TIMM23: variants seen among roughly 807,000 people sequenced by gnomAD.
TIMM23 encodes the protein translocase of inner mitochondrial membrane 23.
A neutral mutation model predicts 30.7 loss-of-function variants in TIMM23; 19 were observed. The observed-to-expected ratio is 0.62, with a 90% CI of 0.43 to 0.91. The LOEUF is 0.91. Ranked by LOEUF, TIMM23 falls within the 40% of genes least tolerant of loss-of-function variation. TIMM23 has a pLI of 0.00. For missense variants in TIMM23, 202 were observed against 269.2 expected (o/e 0.75, Z 1.75); for synonymous variants, 78 against 98.5 (o/e 0.79, Z 1.23).
At position 45,972,594 on chromosome 10, in the gene TIMM23, C is replaced by A; in HGVS notation, c.-31C>A. ...AGCGGACCACCCAGGCTTGAGGCAG[C>A]GGCGGGAACCACTCGGTTTGCTGCG... On this transcript the variant is annotated 5_prime_UTR_variant, in exon 1 of 7. Coordinates refer to ENST00000580018, the MANE Select transcript of TIMM23 (RefSeq NM_006327.4). 6.3e-7 allele frequency: 1 copy of A among 1,587,706 alleles called. No homozygotes were observed. Among genetic ancestry groups the A allele is most frequent in the Non-Finnish European group, 8.6e-7 (1 of 1,162,432 alleles).
chr10:45,999,754 C>G (rs1341030555), intron 6 of TIMM23, among the ~76,000 whole-genome samples: 1 of 152,094 alleles, frequency 6.6e-6, no homozygotes, highest in African/African-American at 2.4e-5. Context: ...ATTTATTAGG[C>G]AGGAATTTCC....
Position 45,986,397 on chromosome 10 carries a change from A to G in TIMM23, c.403+956A>G, listed in dbSNP as rs1369206766. Among the ~76,000 whole-genome samples the G allele has an allele frequency of 1.3e-3, 201 of 152,210 alleles. 2 individuals carry two copies. In the East Asian group the frequency reaches 0.015, roughly 11 times the overall value. ...CTGTCAGAGAAAAGTCCAAGAAACT[A>G]TGTTCCAATAATCACCCCCCGCCCA... On this transcript the variant is annotated intron_variant, in intron 5 of 6. Coordinates refer to ENST00000580018, the MANE Select transcript of TIMM23 (RefSeq NM_006327.4).
In TIMM23 at chr10:45,985,508, G is replaced by A. The variant is rs1243477237; in HGVS notation, c.403+67G>A. 5,304 of 1,577,218 alleles carry A rather than the reference G, an allele frequency of 3.4e-3. 138 individuals are homozygous for A. The African/African-American group carries it at 0.06, about 18-fold the overall frequency. On this transcript the variant is annotated intron_variant, in intron 5 of 6. Coordinates refer to ENST00000580018, the MANE Select transcript of TIMM23 (RefSeq NM_006327.4). ...AATGCACAAATATCATGAACAATTT[G>A]ATCAACCCATATTCTGGTCCTAGGA...
chr10:45,988,563 C>G (rs1482214411), intron 5 of TIMM23, among the ~76,000 whole-genome samples, 174 bp from the exon 6 acceptor site: 3 of 152,068 alleles, frequency 2.0e-5, no homozygotes, highest in African/African-American at 2.4e-5. Flanking sequence ...TGAAGCTGTT[C>G]CAAAGCTGAT....
At chr10:45,978,098 C>G in intron 2 of TIMM23, among the ~76,000 whole-genome samples, 1 of 152,022 alleles carries the variant, frequency 6.6e-6, no homozygotes, top group Non-Finnish European at 1.5e-5. Flanking sequence ...TGCCTATACT[C>G]CCAACACTTT....
At chr10:45,986,066 A>G (rs61849532) in intron 5 of TIMM23, among the ~76,000 whole-genome samples, 2 of 152,320 alleles carry the variant, frequency 1.3e-5, no homozygotes, top group African/African-American at 4.8e-5. Context: ...TTCCTACTGT[A>G]TGAACTTAGT....
intron 2 of TIMM23, among the ~76,000 whole-genome samples, chr10:45,981,862 A>G (rs1837857103): frequency 6.6e-6 from 1 of 152,166 alleles, no homozygotes; most frequent in Non-Finnish European, 1.5e-5. Context: ...ATAAAGGTGC[A>G]TTGACTCTTC....
intron 6 of TIMM23, among the ~76,000 whole-genome samples, chr10:45,994,577 C>A (rs1339072640): frequency 8.6e-6 from 1 of 116,050 alleles, no homozygotes; most frequent in Non-Finnish European, 1.8e-5. Flanking sequence ...GATGCTAGGA[C>A]TACAGGCACA....
intron 6 of TIMM23, chr10:46,002,465 G>T (rs1838573843): frequency 2.0e-6 from 2 of 982,440 alleles, no homozygotes; most frequent in Non-Finnish European, 2.4e-6. Context: ...CACCATGCCT[G>T]GCCGTCACTA....
intron 2 of TIMM23, 37 bp from the exon 3 acceptor site, chr10:45,982,486 G>A (rs1206522957): frequency 4.4e-5 from 71 of 1,603,588 alleles, no homozygotes; most frequent in Middle Eastern, 3.3e-4. Flanking sequence ...TGTGTCTTGA[G>A]GGACACTCAG....
intron 3 of TIMM23, 96 bp from the exon 4 acceptor site, chr10:45,982,750 A>G: frequency 1.3e-6 from 2 of 1,578,832 alleles, no homozygotes; most frequent in Non-Finnish European, 1.7e-6. Context: ...TATTAAATAA[A>G]AATGAAAAAG....
Position 45,991,034 on chromosome 10 carries a change from A to C in TIMM23, c.514+2187A>C, listed in dbSNP as rs1391811806. ...GTCACGGTCTAGTGCATCAAACTCT[A>C]GTCTGAGTCCAAAGCCCGTTGTCTT... On this transcript the variant is annotated intron_variant, in intron 6 of 6. Coordinates refer to ENST00000580018, the MANE Select transcript of TIMM23 (RefSeq NM_006327.4). Among the ~76,000 whole-genome samples the C allele has an allele frequency of 2.0e-5, 3 of 152,166 alleles. No homozygotes were observed. The East Asian group carries it at 5.8e-4, about 29-fold the overall frequency.
intron 6 of TIMM23, among the ~76,000 whole-genome samples, chr10:46,001,408 A>T (rs782626184): frequency 6.6e-6 from 1 of 152,146 alleles, no homozygotes; most frequent in Non-Finnish European, 1.5e-5. Flanking sequence ...TGAGAGAGAT[A>T]ATTATGACAC....
At chr10:45,993,637 G>T (rs1220327604) in intron 6 of TIMM23, among the ~76,000 whole-genome samples, 5 of 152,056 alleles carry the variant, frequency 3.3e-5, no homozygotes, top group African/African-American at 4.8e-5. Flanking sequence ...CTGGGCGATA[G>T]AGCAAGTCTC....
intron 2 of TIMM23, among the ~76,000 whole-genome samples, 152 bp from the exon 3 acceptor site, chr10:45,982,365 TTACTGC>T (rs1229187192): frequency 4.6e-5 from 7 of 152,260 alleles, no homozygotes; most frequent in Non-Finnish European, 8.8e-5. Flanking sequence ...GATTTAGGTG[TTACTGC>T]TGCAGAAAGT....
Position 46,003,302 on chromosome 10 carries a change from T to C in TIMM23, c.614T>C (p.Leu205Pro), listed in dbSNP as rs79654777. 2 of 1,613,898 alleles carry C rather than the reference T, an allele frequency of 1.2e-6. No individual in the cohort carries two copies. Among genetic ancestry groups the C allele is most frequent in the Non-Finnish European group, 1.7e-6 (2 of 1,179,808 alleles). ...NNWEHMKGSL[L>P]QQSL The stretch of plus-strand genomic sequence containing the variant: ...TGGGAGCACATGAAAGGCTCCTTGC[T>C]CCAACAGTCACTCTGAAGATTTTGC... Residue 205 changes from leucine (L) to proline (P), a missense_variant, in exon 7 of 7, where the codon CTC becomes CCC. Leu to Pro is a moderately conservative substitution (Grantham distance 98, BLOSUM62 -3). Transcript: ENST00000580018.
Position 46,002,044 on chromosome 10 carries a change from C to T in TIMM23, c.515-1159C>T, listed in dbSNP as rs534607567. 4.6e-5 allele frequency among the ~76,000 whole-genome samples: 7 copies of T among 152,212 alleles called. 1 individual carries two copies. Among genetic ancestry groups the T allele is most frequent in the African/African-American group, 1.7e-4 (7 of 41,550 alleles). On this transcript the variant is annotated intron_variant, in intron 6 of 6. Transcript: ENST00000580018. Reference sequence around the variant, plus strand: ...TGTTATCAAGCAGGTAGTTCAATATCTGTAATTCTTGAGTTCTTTTCAACT... The same window carrying T: ...TGTTATCAAGCAGGTAGTTCAATATTTGTAATTCTTGAGTTCTTTTCAACT...
At chr10:45,978,568 TAG>T (rs1386066001) in intron 2 of TIMM23, among the ~76,000 whole-genome samples, 4 of 152,144 alleles carry the variant, frequency 2.6e-5, no homozygotes, top group African/African-American at 9.7e-5. Flanking sequence ...TAACATTAAT[TAG>T]AGAAATAAAA....
chr10:45,978,626 A>C (rs1837747712), intron 2 of TIMM23, among the ~76,000 whole-genome samples: 1 of 152,196 alleles, frequency 6.6e-6, no homozygotes, highest in South Asian at 2.1e-4. Flanking sequence ...ACTATAATCA[A>C]AAAGAAAATA....
Sources: allele counts gnomAD v4.1 joint callset (sites outside exome capture counted in the v4.1 genomes callset), GRCh38; gene constraint gnomAD v4.1.1; transcripts MANE v1.5; gene names NCBI Gene and HGNC (gene_info 2026-07-23, HGNC 2026-07-21).